DDC: variants seen among roughly 807,000 people sequenced by gnomAD.
DDC encodes dopa decarboxylase.
A neutral mutation model predicts 60.0 loss-of-function variants in DDC; 43 were observed. That is an observed-to-expected ratio of 0.72 (90% CI 0.56 to 0.92). DDC has a LOEUF of 0.92. Among genes scored for constraint, DDC ranks in the 40% least tolerant of loss-of-function variants. The probability of loss-of-function intolerance (pLI) is 0.00; values close to 1 mark genes in which losing one functional copy is unlikely to be tolerated. For missense variants in DDC, 573 were observed against 620.2 expected (o/e 0.92, Z 0.81); for synonymous variants, 232 against 234.6 (o/e 0.99, Z 0.10).
intron 1 of DDC, among the ~76,000 whole-genome samples, chr7:50,555,779 C>T (rs901298703): frequency 6.6e-6 from 1 of 152,150 alleles, no homozygotes; most frequent in Admixed American, 6.5e-5. Context: ...GACCGAGGCG[C>T]AGAGAGGCTG....
chr7:50,562,088 C>T (rs183598131), intron 1 of DDC, among the ~76,000 whole-genome samples: 136 of 152,334 alleles, frequency 8.9e-4, no homozygotes, highest in African/African-American at 3.2e-3. Context: ...AGCCATCCAT[C>T]CTCTGACTTT....
chr7:50,469,939 A>G (rs1267938146), intron 12 of DDC, 134 bp downstream of exon 12: 1 of 670,452 alleles, frequency 1.5e-6, no homozygotes, highest in Non-Finnish European at 2.6e-6. Context: ...AGATTGTGCC[A>G]TTGCACTCCA....
chr7:50,496,510 C>T (rs369055889), intron 8 of DDC, among the ~76,000 whole-genome samples: 115 of 152,196 alleles, frequency 7.6e-4, no homozygotes, highest in African/African-American at 2.6e-3. Flanking sequence ...TTAGGGGCTA[C>T]CTTATTTTCA....
In DDC at chr7:50,543,970, C is replaced by T. The variant is rs376647978; in HGVS notation, c.116G>A (p.Arg39Gln). The change falls in exon 2 of 15, where the codon CGG becomes CAG. Residue 39 changes from arginine (R) to glutamine (Q), a missense_variant. Arg to Gln is a conservative substitution (Grantham distance 43). Transcript: ENST00000444124. ...VYPDVEPGYLRPLIPAAAPQE... is the reference protein window; with the variant it reads ...VYPDVEPGYLQPLIPAAAPQE... Reference sequence around the variant, plus strand: ...AGGGGCAGCGGCAGGGATCAGCGGCCGCAGGTACCCGGGCTCCACGTCAGG... The same window carrying T: ...AGGGGCAGCGGCAGGGATCAGCGGCTGCAGGTACCCGGGCTCCACGTCAGG... 9.9e-6 allele frequency: 16 copies of T among 1,614,028 alleles called. No individual in the cohort carries two copies. Among genetic ancestry groups the T allele is most frequent in the East Asian group, 6.7e-5 (3 of 44,898 alleles).
chr7:50,468,677 C>T (rs1281293851), intron 12 of DDC, among the ~76,000 whole-genome samples: 1 of 152,130 alleles, frequency 6.6e-6, no homozygotes, highest in South Asian at 2.1e-4. Flanking sequence ...GCTGGGGACA[C>T]CTGCCCCTGC....
intron 4 of DDC, among the ~76,000 whole-genome samples, chr7:50,530,696 GGCAGCGA>G (rs2044176838): frequency 6.6e-6 from 1 of 152,098 alleles, no homozygotes; most frequent in African/African-American, 2.4e-5. Flanking sequence ...GAAAGGTAGG[GGCAGCGA>G]GCACCTTCCC....
chr7:50,474,765 T>G (rs1461909895), intron 11 of DDC, among the ~76,000 whole-genome samples: 1 of 152,244 alleles, frequency 6.6e-6, no homozygotes, highest in Non-Finnish European at 1.5e-5. Context: ...GCAAAGCCTA[T>G]GTTATTTTAT....
chr7:50,552,929 C>A (rs554360040), intron 1 of DDC, among the ~76,000 whole-genome samples: 1 of 152,344 alleles, frequency 6.6e-6, no homozygotes, highest in Non-Finnish European at 1.5e-5. Flanking sequence ...ACCACTTCCA[C>A]CTGTGCCATC....
Position 50,529,246 on chromosome 7 carries a change from C to T in DDC, c.532G>A (p.Ala178Thr), listed in dbSNP as rs1459033416. The T allele has an allele frequency of 8.7e-6, 14 of 1,613,706 alleles. No homozygotes were observed. Among genetic ancestry groups the T allele is most frequent in the Non-Finnish European group, 1.1e-5 (13 of 1,180,044 alleles). The change falls in exon 5 of 15, where the codon GCT becomes ACT. Residue 178 changes from alanine to threonine, a missense_variant. Transcript: ENST00000444124. ...QAASPELTQA[A>T]IMEKLVAYSS... The stretch of plus-strand genomic sequence containing the variant: ...TAAGCCACCAGCTTCTCCATGATAG[C>T]GGCCTGTGTGAGCTCTGGGGACGCT...
intron 1 of DDC, among the ~76,000 whole-genome samples, chr7:50,546,414 A>C (rs1255333693): frequency 3.9e-5 from 6 of 152,180 alleles, no homozygotes; most frequent in African/African-American, 1.4e-4. Context: ...GAAAATTACT[A>C]AGAGGAACTT....
At chr7:50,564,165 C>A (rs7807335) in intron 1 of DDC, 34,606 of 152,094 alleles carry the variant, frequency 0.23, 4,361 homozygotes, top group East Asian at 0.51. Flanking sequence ...TCCCTGGTTT[C>A]AAAAATGTCA....
At chr7:50,555,783 G>C (rs2045164837) in intron 1 of DDC, among the ~76,000 whole-genome samples, 1 of 152,178 alleles carries the variant, frequency 6.6e-6, no homozygotes, top group Non-Finnish European at 1.5e-5. Flanking sequence ...GAGGCGCAGA[G>C]AGGCTGCACA....
Position 50,463,247 on chromosome 7 carries a change from C to T in DDC, c.1427G>A (p.Arg476Gln), listed in dbSNP as rs769418481. Residue 476 changes from arginine to glutamine, a missense_variant, in exon 14 of 15, where the codon CGA becomes CAA. Transcript: ENST00000444124. Reference sequence around the variant, plus strand: ...GCTTCACTCCTACTCCCTCTCTGCTCGCAGCACGTCGGCCGCCAGCTCTTT... The same window carrying T: ...GCTTCACTCCTACTCCCTCTCTGCTTGCAGCACGTCGGCCGCCAGCTCTTT... ...HIKELAADVL[R>Q]AERE 31 of 1,613,000 alleles carry T rather than the reference C, an allele frequency of 1.9e-5. No individual in the cohort carries two copies. The highest frequency in any genetic ancestry group is 5.3e-5 in the African/African-American group (4 of 74,922).
chr7:50,481,009 T>A (rs534543748), intron 9 of DDC, among the ~76,000 whole-genome samples: 1 of 152,306 alleles, frequency 6.6e-6, no homozygotes, highest in South Asian at 2.1e-4. Flanking sequence ...CACAAAGCAA[T>A]TTTGTAGCAA....
At chr7:50,564,588 C>T (rs1585305328) in intron 1 of DDC, among the ~76,000 whole-genome samples, 2 of 152,352 alleles carry the variant, frequency 1.3e-5, no homozygotes, top group Middle Eastern at 6.8e-3. Flanking sequence ...TTCTTATATA[C>T]TTCCGACAAC....
At chr7:50,513,634 G>C (rs1306845477) in intron 6 of DDC, among the ~76,000 whole-genome samples, 1 of 152,166 alleles carries the variant, frequency 6.6e-6, no homozygotes, top group African/African-American at 2.4e-5. Flanking sequence ...CTCTTGGCAG[G>C]GGCACGGTGG....
intron 1 of DDC, among the ~76,000 whole-genome samples, chr7:50,546,966 GC>G (rs2044826069): frequency 6.6e-6 from 1 of 152,208 alleles, no homozygotes; most frequent in South Asian, 2.1e-4. Context: ...TGCTAAAGCA[GC>G]CAGCTTACAA....
intron 6 of DDC, among the ~76,000 whole-genome samples, chr7:50,521,679 A>G (rs1284394319): frequency 6.6e-6 from 1 of 152,246 alleles, no homozygotes; most frequent in African/African-American, 2.4e-5. Context: ...ATGTAAATAG[A>G]TACAGAAAAG....
At chr7:50,459,109 A>G (rs1174047199) in intron 14 of DDC, among the ~76,000 whole-genome samples, 1 of 152,126 alleles carries the variant, frequency 6.6e-6, no homozygotes, top group Middle Eastern at 3.2e-3. Context: ...GGCGCGCACC[A>G]CCACGCCTGA....
Sources: gnomAD v4.1 joint callset for allele counts (sites outside exome capture counted in the v4.1 genomes callset) on GRCh38, gnomAD v4.1.1 for gene constraint, MANE v1.5 for transcripts, NCBI Gene and HGNC (gene_info 2026-07-23, HGNC 2026-07-21) for gene names.